The following GRIN2D variants were observed in gnomAD, a reference collection of about 807,000 sequenced individuals.
GRIN2D encodes glutamate ionotropic receptor NMDA type subunit 2D.
Under a neutral mutation model 103.2 loss-of-function variants are expected in GRIN2D, and 37 were observed. The observed-to-expected ratio is 0.36, with a 90% CI of 0.28 to 0.47. GRIN2D has a LOEUF of 0.47. Ranked by LOEUF, GRIN2D falls within the 20% of genes least tolerant of loss-of-function variation. The pLI is 1.00. For synonymous variants in GRIN2D, 845 were observed against 885.6 expected (o/e 0.95, Z 0.81); for missense variants, 1,557 against 1,910.6 (o/e 0.81, Z 3.45).
chr19:48,439,774 T>A (rs936904213), intron 11 of GRIN2D, among the ~76,000 whole-genome samples: 2 of 152,152 alleles, frequency 1.3e-5, no homozygotes, highest in African/African-American at 2.4e-5. Context: ...AGAAACCCCA[T>A]CTCCACTAAA....
At chr19:48,430,124 TGAC>T (rs1434107149) in intron 11 of GRIN2D, among the ~76,000 whole-genome samples, 1 of 152,236 alleles carries the variant, frequency 6.6e-6, no homozygotes, top group African/African-American at 2.4e-5. Flanking sequence ...TTACATGTTA[TGAC>T]TATGTAAATG....
At chr19:48,402,128 G>GAAAGAAAGAAAGAAAGAAAGA (rs1970719506) in intron 3 of GRIN2D, among the ~76,000 whole-genome samples, 1 of 132,204 alleles carries the variant, frequency 7.6e-6, no homozygotes, top group East Asian at 2.2e-4. Flanking sequence ...AAGAAAGAAA[G>GAAAGAAAGAAAGAAAGAAAGA]AAAGAAAGAA....
intron 11 of GRIN2D, among the ~76,000 whole-genome samples, chr19:48,439,476 G>T (rs1261826616): frequency 6.6e-6 from 1 of 152,150 alleles, no homozygotes; most frequent in East Asian, 1.9e-4. Context: ...TGGGGGTCTT[G>T]CAGTCTCATG....
chr19:48,424,446 A>G (rs1030788549), intron 11 of GRIN2D, among the ~76,000 whole-genome samples: 20 of 149,554 alleles, frequency 1.3e-4, no homozygotes, highest in Non-Finnish European at 2.8e-4. Context: ...AATTTTTTGT[A>G]TTTTTAATAG....
intron 2 of GRIN2D, among the ~76,000 whole-genome samples, chr19:48,395,862 C>T (rs891668360): frequency 2.0e-5 from 3 of 151,894 alleles, no homozygotes; most frequent in African/African-American, 7.3e-5. Context: ...GGGACCTGGA[C>T]TCTTGGTTCC....
Position 48,398,724 on chromosome 19 carries a change from G to A in GRIN2D, c.332G>A (p.Arg111His). ...CTCTGCGACCTGCTGTCGGGGTTGC[G>A]CGTGCACGGCGTGGTCTTCGAAGAC... ...LQLCDLLSGL[R>H]VHGVVFEDDS... is the part of the protein sequence containing the mutation. Residue 111 changes from arginine (R) to histidine (H), a missense_variant, in exon 3 of 14, where the codon CGC becomes CAC. Physicochemically the swap from Arg to His is conservative, Grantham distance 29 (BLOSUM62 0). Coordinates refer to ENST00000263269, the MANE Select transcript of GRIN2D (RefSeq NM_000836.4). The A allele has an allele frequency of 1.4e-6, 2 of 1,466,670 alleles. No homozygotes were observed. Among genetic ancestry groups the A allele is most frequent in the South Asian group, 1.3e-5 (1 of 77,352 alleles). 90.9% of individuals were successfully genotyped at this position (1,466,670 alleles called of 1,614,324 possible).
intron 11 of GRIN2D, among the ~76,000 whole-genome samples, chr19:48,438,357 G>A (rs927694461): frequency 1.9e-4 from 26 of 140,264 alleles, no homozygotes; most frequent in African/African-American, 6.8e-4. Context: ...GGAGTGTAGT[G>A]GTGCGATCTC....
chr19:48,434,039 C>T (rs1971194862), intron 11 of GRIN2D, among the ~76,000 whole-genome samples: 1 of 151,314 alleles, frequency 6.6e-6, no homozygotes, highest in South Asian at 2.1e-4. Context: ...GGCTCTGCCT[C>T]CCGGGTTCAT....
rs1970672849 is a variant in GRIN2D at position 48,398,694 on chromosome 19, T to A, written c.302T>A (p.Leu101Gln). 7.5e-6 allele frequency: 11 copies of A among 1,463,720 alleles called. No homozygotes were observed. Among genetic ancestry groups the A allele is most frequent in the Non-Finnish European group, 9.9e-6 (11 of 1,112,632 alleles). The allele number at this position is 1,463,720 out of a possible 1,614,324, so 90.7% of individuals were successfully genotyped here. A position where few individuals can be genotyped will look rare whatever the true frequency, so the allele number is the denominator to read the frequency against. ...GGCTCGGACCCGCGCAGCCTCGTGC[T>A]GCAGCTCTGCGACCTGCTGTCGGGG... is the stretch of plus-strand genomic sequence containing the variant. ...LNGSDPRSLV[L>Q]QLCDLLSGLR... Residue 101 changes from leucine (L) to glutamine (Q), a missense_variant, in exon 3 of 14, where the codon CTG (leucine) becomes CAG (glutamine). Leu to Gln is a moderately radical substitution (Grantham distance 113, BLOSUM62 -2). Transcript: ENST00000263269.
At chr19:48,426,611 G>A (rs1475058216) in intron 11 of GRIN2D, among the ~76,000 whole-genome samples, 1 of 150,400 alleles carries the variant, frequency 6.6e-6, no homozygotes, top group Non-Finnish European at 1.5e-5. Flanking sequence ...TTCAGACAGA[G>A]TTTTCCTCTG....
rs1187579066 is a variant in GRIN2D, at chr19:48,421,266, T to G, written c.2092-519T>G. Among the ~76,000 whole-genome samples the G allele has an allele frequency of 6.6e-6, 1 of 151,800 alleles. No individual in the cohort carries two copies. The highest frequency in any genetic ancestry group is 2.4e-5 in the African/African-American group (1 of 41,292). ...CAACATGGAGAAACCCCATCTCTACTAAAAATACAAAACTGGCTGGGCATG... is the reference window on the plus strand; with the variant it reads ...CAACATGGAGAAACCCCATCTCTACGAAAAATACAAAACTGGCTGGGCATG... On this transcript the variant is annotated intron_variant, in intron 10 of 13. Transcript: ENST00000263269. This position sits in a 1 kb window ranked among gnomAD's most constrained non-coding sequence, Gnocchi z 4.8.
At chr19:48,433,730 A>G (rs540899243) in intron 11 of GRIN2D, among the ~76,000 whole-genome samples, 8 of 152,330 alleles carry the variant, frequency 5.3e-5, no homozygotes, top group East Asian at 1.9e-4. Flanking sequence ...TAATGTAAGC[A>G]TTATTTTTTT....
At chr19:48,402,027 G>A (rs1241865541) in intron 3 of GRIN2D, among the ~76,000 whole-genome samples, 1 of 152,086 alleles carries the variant, frequency 6.6e-6, no homozygotes, top group Non-Finnish European at 1.5e-5. Context: ...TTGAACTCAG[G>A]AGGTGGAGGT....
chr19:48,437,996 CCT>C (rs1447254535), intron 11 of GRIN2D, among the ~76,000 whole-genome samples: 7 of 112,796 alleles, frequency 6.2e-5, no homozygotes, highest in South Asian at 6.1e-4. Flanking sequence ...ATTCTCCACC[CCT>C]GAGTCTTTGC....
At chr19:48,404,661 G>A (rs1417925399) in intron 3 of GRIN2D, 73 bp from the exon 4 acceptor site, 2 of 1,424,350 alleles carry the variant, frequency 1.4e-6, no homozygotes, top group Non-Finnish European at 1.9e-6. Flanking sequence ...TGGGAGCTGT[G>A]GTCCCCTTAT....
chr19:48,402,390 G>GA (rs1457506276), intron 3 of GRIN2D, among the ~76,000 whole-genome samples: 2 of 150,344 alleles, frequency 1.3e-5, no homozygotes, highest in African/African-American at 4.9e-5. Flanking sequence ...AGAGAGAGAG[G>GA]AAAAAAAAGG....
chr19:48,430,842 C>G (rs1194391569), intron 11 of GRIN2D, among the ~76,000 whole-genome samples: 1 of 134,884 alleles, frequency 7.4e-6, no homozygotes, highest in Non-Finnish European at 1.5e-5. Context: ...TTTTTTGAGA[C>G]AGGGTCTCTC....
At chr19:48,420,847 A>T (rs1308250517) in intron 10 of GRIN2D, among the ~76,000 whole-genome samples, 1 of 152,166 alleles carries the variant, frequency 6.6e-6, no homozygotes, top group Non-Finnish European at 1.5e-5. Context: ...AAAAAGCCAA[A>T]CTCACATTTT....
chr19:48,442,836 G>A lies in GRIN2D; in HGVS notation c.2910G>A (p.Pro970=), dbSNP rs771799381. The A allele has an allele frequency of 5.7e-3, 6,105 of 1,074,576 alleles. 25 individuals carry two copies. The highest frequency in any genetic ancestry group is 0.01 in the Middle Eastern group (24 of 2,326). The allele number at this position is 1,074,576 out of a possible 1,614,324, so 66.6% of individuals were successfully genotyped here. The change falls in exon 14 of 14, where the codon CCG becomes CCA. Residue 970 remains proline, a synonymous_variant. Coordinates refer to ENST00000263269, the MANE Select transcript of GRIN2D (RefSeq NM_000836.4). The surrounding 1 kb of genome is among the most constrained non-coding windows in gnomAD (Gnocchi z 7.2). ...ACCGCTACTACGGCCCCATCGAGCC[G>A]CAGGGCCTAGGCCTCGGCCTGGGCG... ...GFHRYYGPIE[P]QGLGLGLGEA...
Sources: allele counts gnomAD v4.1 joint callset (sites outside exome capture counted in the v4.1 genomes callset), GRCh38; gene constraint gnomAD v4.1.1; non-coding constraint Gnocchi (gnomAD v3.1); transcripts MANE v1.5; gene names NCBI Gene and HGNC (gene_info 2026-07-23, HGNC 2026-07-21).